The following USP34 variants were observed in gnomAD, a reference collection of about 807,000 sequenced individuals.
USP34 encodes ubiquitin carboxyl-terminal hydrolase 34.
USP34 carries 70 observed loss-of-function variants against 460.3 expected under a neutral mutation model. The observed-to-expected ratio is 0.15, with a 90% CI of 0.13 to 0.19. The LOEUF (loss-of-function observed/expected upper bound fraction) is 0.19. Among genes scored for constraint, USP34 ranks in the 10% least tolerant of loss-of-function variants. The probability of loss-of-function intolerance (pLI) is 1.00; values close to 1 mark genes in which losing one functional copy is unlikely to be tolerated. For missense variants in USP34, 3,985 were observed against 4,236.2 expected, an observed-to-expected ratio of 0.94 and a Z score of 1.65; for synonymous variants, 1,647 against 1,405.3, an observed-to-expected ratio of 1.17 and a Z score of -3.85.
chr2:61,303,074 T>G (rs1204334106), intron 27 of USP34, among the ~76,000 whole-genome samples: 1 of 145,044 alleles, frequency 6.9e-6, no homozygotes, highest in Non-Finnish European at 1.5e-5. Flanking sequence ...TTATTGTAAG[T>G]TTTTTTTTTT....
chr2:61,343,805 A>G lies in USP34; in HGVS notation c.2500+10T>C, dbSNP rs754264335. 5.6e-6 allele frequency: 9 copies of G among 1,611,388 alleles called. No homozygotes were observed. In the South Asian group the frequency reaches 9.9e-5, roughly 18 times the overall value. On this transcript the variant is annotated intron_variant, in intron 16 of 79. Transcript: ENST00000398571. ...GAAGGTAATATATTTTACTTACTGT[A>G]GAGTCTTACCTTGACTAAGATGTTC...
At chr2:61,188,814 G>A in intron 79 of USP34, 96 bp downstream of exon 79, 3 of 1,569,340 alleles carry the variant, frequency 1.9e-6, no homozygotes, top group Non-Finnish European at 2.6e-6. Flanking sequence ...ATATTTAGGA[G>A]GTTCAGCTGA....
intron 58 of USP34, among the ~76,000 whole-genome samples, chr2:61,232,072 G>A (rs1322415444): frequency 2.6e-5 from 4 of 152,004 alleles, no homozygotes; most frequent in Admixed American, 6.6e-5. Context: ...ACAGAAATAA[G>A]TTACAGCCTT....
intron 3 of USP34, 56 bp from the exon 4 acceptor site, chr2:61,395,289 A>T: frequency 9.5e-7 from 1 of 1,051,448 alleles, no homozygotes; most frequent in Non-Finnish European, 1.4e-6. Flanking sequence ...ACCTTTAAAA[A>T]ATACAATTCT....
intron 48 of USP34, among the ~76,000 whole-genome samples, chr2:61,251,728 G>C (rs1481929810): frequency 1.3e-5 from 2 of 151,866 alleles, no homozygotes; most frequent in African/African-American, 4.8e-5. Flanking sequence ...TAAAAGACTG[G>C]AAATGAAAAA....
intron 1 of USP34, among the ~76,000 whole-genome samples, chr2:61,461,702 G>A (rs1375128135): frequency 6.6e-6 from 1 of 152,118 alleles, no homozygotes; most frequent in African/African-American, 2.4e-5. Context: ...AGGTGAAAGT[G>A]CCCTTACACA....
At chr2:61,234,872 G>T (rs990029559) in intron 57 of USP34, among the ~76,000 whole-genome samples, 1 of 152,190 alleles carries the variant, frequency 6.6e-6, no homozygotes, top group Non-Finnish European at 1.5e-5. Context: ...CTGACCGCAA[G>T]TGATCCGCCC....
rs1178587748 is a variant in USP34, at chr2:61,414,270, C to CT, written c.131+6475dup. On this transcript the variant is annotated intron_variant, in intron 2 of 79. Transcript: ENST00000398571. ...CTCTATAAAATAAATAAATAAATAACTTTAAAAAAAAAAAGAGTATGAAGG... is the reference window on the plus strand; with the variant it reads ...CTCTATAAAATAAATAAATAAATAACTTTTAAAAAAAAAAAGAGTATGAAGG... Among the ~76,000 whole-genome samples the CT allele has an allele frequency of 6.7e-5, 7 of 104,474 alleles. No homozygotes were observed. The East Asian group carries it at 9.9e-4, about 15-fold the overall frequency. 68.5% of individuals were successfully genotyped at this position (104,474 alleles called of 152,430 possible).
At chr2:61,422,955 A>G (rs1395694969) in intron 1 of USP34, among the ~76,000 whole-genome samples, 15 of 152,136 alleles carry the variant, frequency 9.9e-5, no homozygotes. Flanking sequence ...AGCCGAAAAA[A>G]ATCAGTGGCT....
chr2:61,440,814 G>A (rs1216327459), intron 1 of USP34, among the ~76,000 whole-genome samples: 3 of 150,906 alleles, frequency 2.0e-5, no homozygotes, highest in Non-Finnish European at 2.9e-5. Context: ...CACCACACCC[G>A]GCCTACTTTT....
In USP34 at chr2:61,394,898, A is replaced by C; in HGVS notation, c.708T>G (p.Thr236=). 1 of 1,599,138 alleles carries C rather than the reference A, an allele frequency of 6.3e-7. No individual in the cohort carries two copies. Among genetic ancestry groups the C allele is most frequent in the Non-Finnish European group, 8.5e-7 (1 of 1,175,294 alleles). ...KDCFEYGTPE[T]LPFLIAHAFI... is the part of the protein sequence containing the mutation. ...ACGCATGTGCTATAAGAAATGGCAA[A>C]GTTTCAGGAGTTCCATATTCAAAGC... The change falls in exon 5 of 80, where the codon ACT becomes ACG. Residue 236 remains threonine, a synonymous_variant. Transcript: ENST00000398571.
At chr2:61,285,048 G>A (rs902069598) in intron 34 of USP34, 91 bp from the exon 35 acceptor site, 4 of 967,536 alleles carry the variant, frequency 4.1e-6, no homozygotes, top group African/African-American at 1.7e-5. Context: ...AAAGAGATGT[G>A]TATTACAAAA....
At chr2:61,244,974 A>G (rs1688381762) in intron 51 of USP34, among the ~76,000 whole-genome samples, 1 of 152,114 alleles carries the variant, frequency 6.6e-6, no homozygotes, top group Non-Finnish European at 1.5e-5. Flanking sequence ...CAACTCCCAT[A>G]CTACTAAGCT....
chr2:61,421,629 T>C (rs1245946340), intron 1 of USP34, among the ~76,000 whole-genome samples: 2 of 152,204 alleles, frequency 1.3e-5, no homozygotes, highest in East Asian at 1.9e-4. Flanking sequence ...ATTGCTAGTG[T>C]CTTCTCTTTA....
At chr2:61,343,662 C>A (rs1395580948) in intron 16 of USP34, among the ~76,000 whole-genome samples, 153 bp downstream of exon 16, 54 of 151,036 alleles carry the variant, frequency 3.6e-4, no homozygotes, top group Admixed American at 3.6e-3. Context: ...AATTTAATTC[C>A]CTTGGGGGAA....
chr2:61,449,254 T>TA (rs111308233), intron 1 of USP34, among the ~76,000 whole-genome samples: 75 of 143,510 alleles, frequency 5.2e-4, no homozygotes, highest in Non-Finnish European at 8.7e-4. Context: ...GACTCCCTCT[T>TA]AAAAAAAAAA....
At chr2:61,451,512 G>A (rs1334119528) in intron 1 of USP34, among the ~76,000 whole-genome samples, 6 of 151,722 alleles carry the variant, frequency 4.0e-5, no homozygotes, top group African/African-American at 1.2e-4. Context: ...GAGAAACCCC[G>A]TCTCTACTAA....
chr2:61,225,028 G>A (rs1174280403), intron 62 of USP34, among the ~76,000 whole-genome samples: 1 of 152,124 alleles, frequency 6.6e-6, no homozygotes, highest in African/African-American at 2.4e-5. Context: ...TACCCTAGAT[G>A]CCAAGGGTAC....
chr2:61,470,846 C>A lies in USP34; in HGVS notation c.-154G>T. 1.7e-5 allele frequency: 4 copies of A among 229,256 alleles called. No homozygotes were observed. The highest frequency in any genetic ancestry group is 3.5e-5 in the Non-Finnish European group (4 of 113,870). 14.2% of individuals were successfully genotyped at this position (229,256 alleles called of 1,614,324 possible). On this transcript the variant is annotated 5_prime_UTR_variant, in exon 1 of 80. Coordinates refer to ENST00000398571, the MANE Select transcript of USP34 (RefSeq NM_014709.4). ...GCGGCGGCGGGGACGGGGCGGGGAG[C>A]AAGAGAATGGGGGAGGGGGCCGGCG...
Sources: gnomAD v4.1 joint callset for allele counts (sites outside exome capture counted in the v4.1 genomes callset) on GRCh38, gnomAD v4.1.1 for gene constraint, MANE v1.5 for transcripts, NCBI Gene and HGNC (gene_info 2026-07-23, HGNC 2026-07-21) for gene names.